Variants in SCAF8 observed in about 807,000 individuals in gnomAD.
SCAF8 encodes SR-related CTD associated factor 8, also known as SR-related and CTD-associated factor 8.
SCAF8 carries 23 observed loss-of-function variants against 140.5 expected under a neutral mutation model. The observed-to-expected ratio is 0.16, with a 90% CI of 0.12 to 0.23. SCAF8 has a LOEUF of 0.23. Ranked by LOEUF, SCAF8 falls within the 10% of genes least tolerant of loss-of-function variation. The pLI, the probability that SCAF8 is intolerant of heterozygous loss-of-function variation, is 1.00. For missense variants in SCAF8, 1,397 were observed against 1,555.7 expected (o/e 0.90, Z 1.72); for synonymous variants, 575 against 528.9 (o/e 1.09, Z -1.20).
chr6:154,812,723 T>A (rs564433293), intron 12 of SCAF8, among the ~76,000 whole-genome samples: 1 of 152,132 alleles, frequency 6.6e-6, no homozygotes, highest in South Asian at 2.1e-4. Flanking sequence ...AATAATAACA[T>A]TCCAGGAATC....
At chr6:154,788,311 C>T (rs1442664178) in intron 4 of SCAF8, among the ~76,000 whole-genome samples, 1 of 152,148 alleles carries the variant, frequency 6.6e-6, no homozygotes, top group Non-Finnish European at 1.5e-5. Flanking sequence ...GCCATATAGT[C>T]TAGGTGTGTA....
intron 6 of SCAF8, among the ~76,000 whole-genome samples, chr6:154,801,500 C>G (rs181831948): frequency 1.3e-5 from 2 of 151,468 alleles, no homozygotes; most frequent in Admixed American, 1.3e-4. Flanking sequence ...GCCTTCAACT[C>G]TAGATGACAC....
At chr6:154,806,533 C>T (rs1002481546) in intron 9 of SCAF8, among the ~76,000 whole-genome samples, 1 of 152,154 alleles carries the variant, frequency 6.6e-6, no homozygotes, top group African/African-American at 2.4e-5. Context: ...GGAGCACGTA[C>T]ATCTGTATGA....
intron 3 of SCAF8, among the ~76,000 whole-genome samples, chr6:154,787,090 C>G (rs1208950095): frequency 1.3e-5 from 2 of 152,216 alleles, no homozygotes; most frequent in Non-Finnish European, 2.9e-5. Flanking sequence ...CACGGTGGCT[C>G]GTGCCTGTAT....
rs1400189814 is a variant in SCAF8, at chr6:154,824,222, T to C, written c.1927-12T>C. On this transcript the variant is annotated splice_polypyrimidine_tract_variant and intron_variant, in intron 16 of 19. Transcript: ENST00000367178. ...AAACTGATGAGTGAACTTTTTTGTC[T>C]ATCCACAAAAGATTCCAGTGGCGCC... The C allele has an allele frequency of 1.2e-6, 2 of 1,611,318 alleles. No homozygotes were observed. The highest frequency in any genetic ancestry group is 1.7e-6 in the Non-Finnish European group (2 of 1,179,036).
intron 6 of SCAF8, among the ~76,000 whole-genome samples, chr6:154,799,235 C>T (rs867448367): frequency 4.0e-5 from 6 of 151,148 alleles, no homozygotes; most frequent in Admixed American, 1.3e-4. Context: ...ACGTCAGCCT[C>T]CCAAAGTGCT....
At chr6:154,781,783 G>A (rs1777092664) in intron 3 of SCAF8, among the ~76,000 whole-genome samples, 1 of 152,158 alleles carries the variant, frequency 6.6e-6, no homozygotes, top group Admixed American at 6.5e-5. Flanking sequence ...TTGTGTGAAT[G>A]TAAGTTTACA....
intron 1 of SCAF8, among the ~76,000 whole-genome samples, chr6:154,735,422 A>G (rs73009002): frequency 0.022 from 3,311 of 152,082 alleles, 40 homozygotes; most frequent in African/African-American, 0.025. Context: ...TTTCAATAGC[A>G]GTGATACATA....
At chr6:154,769,275 G>A (rs1404887229) in intron 1 of SCAF8, among the ~76,000 whole-genome samples, 1 of 152,114 alleles carries the variant, frequency 6.6e-6, no homozygotes, top group East Asian at 1.9e-4. Flanking sequence ...AAATGCTTTA[G>A]AAGTCTAAAT....
intron 1 of SCAF8, among the ~76,000 whole-genome samples, chr6:154,754,143 T>TA (rs1246541351): frequency 1.3e-5 from 2 of 152,240 alleles, no homozygotes; most frequent in African/African-American, 2.4e-5. Context: ...TGAAGATCCT[T>TA]AAGCCCTATT....
At chr6:154,785,854 C>T (rs1211832105) in intron 3 of SCAF8, among the ~76,000 whole-genome samples, 2 of 152,062 alleles carry the variant, frequency 1.3e-5, no homozygotes, top group African/African-American at 2.4e-5. Context: ...TACCTTTCTC[C>T]CCCTAAAAAG....
At chr6:154,780,026 T>C (rs1342881910) in intron 3 of SCAF8, among the ~76,000 whole-genome samples, 1 of 152,180 alleles carries the variant, frequency 6.6e-6, no homozygotes, top group African/African-American at 2.4e-5. Flanking sequence ...TTTGTATATG[T>C]ATGCATTTAG....
At chr6:154,760,961 T>C (rs1776374760) in intron 1 of SCAF8, among the ~76,000 whole-genome samples, 1 of 151,962 alleles carries the variant, frequency 6.6e-6, no homozygotes, top group South Asian at 2.1e-4. Context: ...TTTTTTTCTT[T>C]TTTCTTTTTT....
intron 14 of SCAF8, 31 bp from the exon 15 acceptor site, chr6:154,820,146 C>G (rs780660632): frequency 1.3e-6 from 2 of 1,533,240 alleles, no homozygotes; most frequent in South Asian, 2.6e-5. Flanking sequence ...TATGTATAAC[C>G]TTTCTTTTTT....
chr6:154,777,864 G>C, intron 2 of SCAF8, 137 bp from the exon 3 acceptor site: 2 of 629,346 alleles, frequency 3.2e-6, no homozygotes, highest in Non-Finnish European at 5.6e-6. Flanking sequence ...TGAGTGACAA[G>C]AATGTTTGTC....
chr6:154,811,296 C>A lies in SCAF8; in HGVS notation c.1420+1088C>A, dbSNP rs572712459. Among the ~76,000 whole-genome samples, 449 of 152,228 alleles carry A rather than the reference C, an allele frequency of 2.9e-3. 4 individuals carry two copies. Among genetic ancestry groups the A allele is most frequent in the African/African-American group, 0.011 (437 of 41,538 alleles). On this transcript the variant is annotated intron_variant, in intron 12 of 19. Coordinates refer to ENST00000367178, the MANE Select transcript of SCAF8 (RefSeq NM_014892.5). ...TTACCATTAAGACGTTCAGAATTATCTATTTATTTGCCATTATTAGAGTAA... is the reference window on the plus strand; with the variant it reads ...TTACCATTAAGACGTTCAGAATTATATATTTATTTGCCATTATTAGAGTAA...
chr6:154,805,157 A>T (rs1004221830), intron 8 of SCAF8, among the ~76,000 whole-genome samples: 1 of 152,068 alleles, frequency 6.6e-6, no homozygotes, highest in Non-Finnish European at 1.5e-5. Context: ...CTGACACGTT[A>T]TCCATCTATT....
chr6:154,820,103 A>C, intron 14 of SCAF8, 74 bp from the exon 15 acceptor site: 2 of 1,214,174 alleles, frequency 1.6e-6, no homozygotes, highest in Non-Finnish European at 2.2e-6. Flanking sequence ...TTTAAATAAA[A>C]TTTTGAACTT....
chr6:154,771,467 A>G (rs566773505), intron 1 of SCAF8, among the ~76,000 whole-genome samples: 282 of 152,336 alleles, frequency 1.9e-3, no homozygotes, highest in African/African-American at 6.4e-3. Flanking sequence ...GGAAAGGTAG[A>G]CAGGAGTTAG....
Sources: gnomAD v4.1 joint callset for allele counts (sites outside exome capture counted in the v4.1 genomes callset) on GRCh38, gnomAD v4.1.1 for gene constraint, MANE v1.5 for transcripts, NCBI Gene and HGNC (gene_info 2026-07-23, HGNC 2026-07-21) for gene names.